Variants in LUZP2 observed in about 807,000 individuals in gnomAD.
LUZP2 encodes leucine zipper protein 2.
In LUZP2, 52 loss-of-function variants were observed where a neutral mutation model predicts 51.6. That is an observed-to-expected ratio of 1.01 (90% CI 0.81 to 1.27). LUZP2 has a LOEUF of 1.27. LUZP2 is among the 50% of genes most tolerant of loss of function. The probability of loss-of-function intolerance (pLI) is 0.00; values close to 1 mark genes in which losing one functional copy is unlikely to be tolerated. For synonymous variants in LUZP2, 154 were observed against 137.3 expected, an observed-to-expected ratio of 1.12 and a Z score of -0.85; for missense variants, 436 against 395.4, an observed-to-expected ratio of 1.10 and a Z score of -0.87.
chr11:24,907,228 C>G (rs960876668), intron 6 of LUZP2, among the ~76,000 whole-genome samples: 1 of 150,856 alleles, frequency 6.6e-6, no homozygotes, highest in African/African-American at 2.4e-5. Context: ...CTGTGTCCAG[C>G]CCAAACTAAG....
intron 1 of LUZP2, among the ~76,000 whole-genome samples, chr11:24,684,323 A>T (rs186521479): frequency 6.6e-6 from 1 of 152,274 alleles, no homozygotes; most frequent in African/African-American, 2.4e-5. Flanking sequence ...TCATTTTTCA[A>T]TCCTATTTCA....
At chr11:24,787,148 T>C (rs1319066308) in intron 5 of LUZP2, among the ~76,000 whole-genome samples, 1 of 152,150 alleles carries the variant, frequency 6.6e-6, no homozygotes, top group Non-Finnish European at 1.5e-5. Flanking sequence ...TCTGAAACAC[T>C]GGACAATTAA....
rs3078023 is a variant in LUZP2 at position 24,635,421 on chromosome 11, A to AGT, written c.63-93729_63-93728dup. Among the ~76,000 whole-genome samples the AGT allele has an allele frequency of 5.6e-3, 842 of 149,606 alleles. 5 individuals carry two copies. Among genetic ancestry groups the AGT allele is most frequent in the African/African-American group, 0.014 (588 of 41,066 alleles). On this transcript the variant is annotated intron_variant, in intron 1 of 11. Transcript: ENST00000336930. ...GATTTTAAACCTCAAATCAGAAAAGAGTGTGTGTGTGTGTGTGTGTATTCA... is the reference window on the plus strand; with the variant it reads ...GATTTTAAACCTCAAATCAGAAAAGAGTGTGTGTGTGTGTGTGTGTGTATTCA...
intron 5 of LUZP2, among the ~76,000 whole-genome samples, chr11:24,801,181 G>T (rs1463855949): frequency 6.6e-6 from 1 of 152,052 alleles, no homozygotes; most frequent in Non-Finnish European, 1.5e-5. Flanking sequence ...TTAAAGACGT[G>T]CTGATAAAAG....
intron 9 of LUZP2, among the ~76,000 whole-genome samples, chr11:25,038,675 C>T (rs142721649): frequency 6.6e-6 from 1 of 152,250 alleles, no homozygotes; most frequent in East Asian, 1.9e-4. Flanking sequence ...TGATTAAGAA[C>T]CATTGCTGTG....
intron 1 of LUZP2, among the ~76,000 whole-genome samples, chr11:24,700,094 C>T (rs868681303): frequency 2.3e-4 from 30 of 132,568 alleles, no homozygotes; most frequent in Admixed American, 3.4e-4. Context: ...TGGACTTCCA[C>T]TCTGTAGCCT....
At chr11:24,821,840 C>G (rs1264308286) in intron 5 of LUZP2, among the ~76,000 whole-genome samples, 2 of 151,136 alleles carry the variant, frequency 1.3e-5, no homozygotes, top group African/African-American at 4.9e-5. Flanking sequence ...ACCTTTTTCA[C>G]TGGATGACAA....
chr11:24,697,224 G>A (rs1268182535), intron 1 of LUZP2, among the ~76,000 whole-genome samples: 1 of 152,106 alleles, frequency 6.6e-6, no homozygotes, highest in African/African-American at 2.4e-5. Flanking sequence ...ATTGATTGAA[G>A]GGAGTGTCAT....
intron 1 of LUZP2, among the ~76,000 whole-genome samples, chr11:24,657,187 G>A (rs1855837200): frequency 6.6e-6 from 1 of 152,144 alleles, no homozygotes; most frequent in African/African-American, 2.4e-5. Flanking sequence ...AGAGATAATG[G>A]AGGCATGATT....
At chr11:24,510,896 C>A (rs1350697089) in intron 1 of LUZP2, among the ~76,000 whole-genome samples, 3 of 152,130 alleles carry the variant, frequency 2.0e-5, no homozygotes, top group Non-Finnish European at 2.9e-5. Context: ...CAGCTCCTTC[C>A]AGCTTGTTGC....
intron 7 of LUZP2, among the ~76,000 whole-genome samples, chr11:24,960,038 A>T (rs2133877163): frequency 6.6e-6 from 1 of 152,270 alleles, no homozygotes; most frequent in African/African-American, 2.4e-5. Context: ...TTCTGTTGAT[A>T]TGCTGGATTA....
intron 1 of LUZP2, among the ~76,000 whole-genome samples, chr11:24,661,184 A>G (rs1856008587): frequency 6.6e-6 from 1 of 151,960 alleles, no homozygotes; most frequent in South Asian, 2.1e-4. Context: ...ATGCTCTAAT[A>G]CTCTAAAAAT....
chr11:24,679,499 ACCACAG>A (rs1382637627), intron 1 of LUZP2, among the ~76,000 whole-genome samples: 1 of 152,192 alleles, frequency 6.6e-6, no homozygotes, highest in Non-Finnish European at 1.5e-5. Flanking sequence ...GTTGAATAAA[ACCACAG>A]CAGTGTTTTC....
At chr11:25,008,048 C>G (rs1856881576) in intron 9 of LUZP2, among the ~76,000 whole-genome samples, 1 of 152,198 alleles carries the variant, frequency 6.6e-6, no homozygotes, top group Admixed American at 6.5e-5. Flanking sequence ...GACACAGGAT[C>G]CTTTCGGTGC....
chr11:24,883,924 G>C (rs780642643), intron 5 of LUZP2, among the ~76,000 whole-genome samples: 1 of 151,912 alleles, frequency 6.6e-6, no homozygotes, highest in Non-Finnish European at 1.5e-5. Context: ...AAAAGTGGGA[G>C]GTCTGCTCTT....
At chr11:24,760,068 C>T (rs923269070) in intron 4 of LUZP2, among the ~76,000 whole-genome samples, 1 of 152,076 alleles carries the variant, frequency 6.6e-6, no homozygotes, top group Admixed American at 6.6e-5. Context: ...GGCAGAATGT[C>T]CAGCTTCCAG....
At chr11:24,848,468 C>T (rs1362378066) in intron 5 of LUZP2, among the ~76,000 whole-genome samples, 2 of 152,160 alleles carry the variant, frequency 1.3e-5, no homozygotes, top group Non-Finnish European at 2.9e-5. Context: ...CCTTCCACTC[C>T]TGCCTTGTTG....
chr11:24,631,794 A>C (rs1353977377), intron 1 of LUZP2, among the ~76,000 whole-genome samples: 2 of 152,100 alleles, frequency 1.3e-5, no homozygotes, highest in Middle Eastern at 3.4e-3. Context: ...TGTAGAATGC[A>C]GCTGTGAATC....
intron 5 of LUZP2, among the ~76,000 whole-genome samples, chr11:24,849,757 T>C (rs961075716): frequency 6.6e-6 from 1 of 152,170 alleles, no homozygotes; most frequent in African/African-American, 2.4e-5. Flanking sequence ...ATAAAAGCGA[T>C]CCTATTTCTC....
Sources: allele counts gnomAD v4.1 joint callset (sites outside exome capture counted in the v4.1 genomes callset), GRCh38; gene constraint gnomAD v4.1.1; transcripts MANE v1.5; gene names NCBI Gene and HGNC (gene_info 2026-07-23, HGNC 2026-07-21).